PEG3: variants seen among roughly 807,000 people sequenced by gnomAD.
PEG3 encodes paternally-expressed gene 3 protein.
PEG3 carries 23 observed loss-of-function variants against 35.5 expected under a neutral mutation model. That is an observed-to-expected ratio of 0.65 (90% CI 0.47 to 0.92). The LOEUF (loss-of-function observed/expected upper bound fraction) is 0.92, where lower values mean the gene tolerates loss of function less well. Among genes scored for constraint, PEG3 ranks in the 40% least tolerant of loss-of-function variants. The pLI is 0.00. For synonymous variants in PEG3, 707 were observed against 697.0 expected (o/e 1.01, Z -0.23); for missense variants, 1,960 against 1,985.3 (o/e 0.99, Z 0.24).
chr19:56,830,101 T>A (rs940947597), intron 2 of PEG3, among the ~76,000 whole-genome samples: 6 of 152,152 alleles, frequency 3.9e-5, no homozygotes, highest in Admixed American at 3.3e-4. Context: ...GATGTATGAA[T>A]CCAACAGAAC....
chr19:56,833,311 T>A (rs1407264219), intron 2 of PEG3: 4 of 399,440 alleles, frequency 1.0e-5, no homozygotes, highest in Admixed American at 9.1e-5. Flanking sequence ...GGGGCTGGAA[T>A]TGAGAACTTT....
chr19:56,822,821 T>C lies in PEG3; in HGVS notation c.497A>G (p.Asp166Gly). Residue 166 changes from aspartate (D) to glycine (G), a missense_variant, in exon 6 of 10, where the codon GAC (aspartate) becomes GGC (glycine). Asp to Gly is a moderately conservative substitution (Grantham distance 94). Around this residue, in one of 5 missense-constraint regions of PEG3, gnomAD observed 613 missense variants for 577.1 expected, o/e 1.06. Transcript: ENST00000326441. ...CATGTCTCTGCTTCTGCCCCTCCGG[T>C]CCCAGTCCCGGTCACCTAAGCAGGT... ...SVHSFSDRDW[D>G]RRGRSRDMEP... The C allele has an allele frequency of 6.2e-7, 1 of 1,613,920 alleles. No individual in the cohort carries two copies. Among genetic ancestry groups the C allele is most frequent in the South Asian group, 1.1e-5 (1 of 90,982 alleles).
chr19:56,835,171 G>A (rs568807574), intron 2 of PEG3, among the ~76,000 whole-genome samples: 3 of 152,060 alleles, frequency 2.0e-5, no homozygotes, highest in East Asian at 1.9e-4. Context: ...CACCCACTGC[G>A]TCCACCCTCC....
intron 6 of PEG3, among the ~76,000 whole-genome samples, chr19:56,822,096 G>A (rs1206849803): frequency 6.6e-6 from 1 of 152,174 alleles, no homozygotes; most frequent in Non-Finnish European, 1.5e-5. Context: ...TGTGTGACAG[G>A]GAGATGGCAT....
intron 6 of PEG3, 65 bp from the exon 7 acceptor site, chr19:56,821,819 C>G (rs1481148691): frequency 1.9e-6 from 3 of 1,573,210 alleles, no homozygotes; most frequent in Admixed American, 1.7e-5. Context: ...CCAGGTTTGT[C>G]CCACTCAACT....
chr19:56,813,924 G>A lies in PEG3; in HGVS notation c.4518C>T (p.Asp1506=). ...QEIQVEEPYY[D]CHECTETFTS... is the part of the protein sequence containing the mutation. The stretch of plus-strand genomic sequence containing the variant: ...TGAAGGTTTCTGTGCATTCATGGCA[G>A]TCATAGTATGGTTCTTCTACCTGAA... Residue 1506 remains aspartate (D), a synonymous_variant, in exon 10 of 10, where the codon GAC becomes GAT. Transcript: ENST00000326441. 6.2e-7 allele frequency: 1 copy of A among 1,614,164 alleles called. No homozygotes were observed. The highest frequency in any genetic ancestry group is 8.5e-7 in the Non-Finnish European group (1 of 1,180,014).
chr19:56,818,808 AG>A, intron 7 of PEG3, 106 bp from the exon 8 acceptor site: 2 of 1,305,282 alleles, frequency 1.5e-6, no homozygotes, highest in Admixed American at 3.6e-5. Context: ...TTATATAGGA[AG>A]TGCTCACGGT....
intron 2 of PEG3, among the ~76,000 whole-genome samples, chr19:56,830,666 A>G (rs999779511): frequency 6.6e-6 from 1 of 152,250 alleles, no homozygotes. Context: ...GAGTAAATAC[A>G]GCAAGAGAAA....
chr19:56,838,446 A>G (rs375372454), intron 1 of PEG3, among the ~76,000 whole-genome samples: 10 of 152,236 alleles, frequency 6.6e-5, no homozygotes, highest in African/African-American at 2.4e-4. Context: ...GTCCCGAGGA[A>G]CGGTCCCGGG....
Position 56,813,392 on chromosome 19 carries a change from T to C in PEG3, c.*283A>G. 1 of 1,215,998 alleles carries C rather than the reference T, an allele frequency of 8.2e-7. No individual in the cohort carries two copies. Among genetic ancestry groups the C allele is most frequent in the Non-Finnish European group, 1.0e-6 (1 of 973,710 alleles). The allele number at this position is 1,215,998 out of a possible 1,614,324, so 75.3% of individuals were successfully genotyped here. A position where few individuals can be genotyped will look rare whatever the true frequency, so the allele number is the denominator to read the frequency against. On this transcript the variant is annotated 3_prime_UTR_variant, in exon 10 of 10. Transcript: ENST00000326441. ...CAGTTGATTTGGGCAAACTCTGTAG[T>C]CTGGAATACTCATAGGGTTTTCTCA...
intron 2 of PEG3, among the ~76,000 whole-genome samples, chr19:56,829,751 G>A (rs912955232): frequency 1.3e-5 from 2 of 152,214 alleles, no homozygotes; most frequent in Non-Finnish European, 2.9e-5. Flanking sequence ...GCCAGATGCT[G>A]AAATTTGCAC....
Position 56,815,479 on chromosome 19 carries a change from T to A in PEG3, c.2963A>T (p.Gln988Leu), listed in dbSNP as rs1189798228. The A allele has an allele frequency of 6.2e-7, 1 of 1,614,160 alleles. No homozygotes were observed. Among genetic ancestry groups the A allele is most frequent in the Non-Finnish European group, 8.5e-7 (1 of 1,179,998 alleles). ...FAHSSDLTEH[Q>L]KIHDREKPSG... Reference sequence around the variant, plus strand: ...GGGCTTCTCCCTATCATGAATCTTCTGGTGCTCAGTGAGGTCAGAGCTATG... The same window carrying A: ...GGGCTTCTCCCTATCATGAATCTTCAGGTGCTCAGTGAGGTCAGAGCTATG... The change falls in exon 10 of 10, where the codon CAG becomes CTG. Residue 988 changes from glutamine to leucine, a missense_variant. Gln to Leu is a moderately radical substitution (Grantham distance 113). Coordinates refer to ENST00000326441, the MANE Select transcript of PEG3 (RefSeq NM_006210.3).
Position 56,837,261 on chromosome 19 carries a change from A to AC in PEG3, c.-249-1158dup, listed in dbSNP as rs542997077. Among the ~76,000 whole-genome samples, 303 of 150,846 alleles carry AC rather than the reference A, an allele frequency of 2.0e-3. 3 individuals are homozygous for AC. The highest frequency in any genetic ancestry group is 6.4e-3 in the African/African-American group (262 of 41,002). On this transcript the variant is annotated intron_variant, in intron 1 of 9. Coordinates refer to ENST00000326441, the MANE Select transcript of PEG3 (RefSeq NM_006210.3). The stretch of plus-strand genomic sequence containing the variant: ...CCTATGGGGCAGCCCCTTTAAACAC[A>AC]CCCCCACCTGCCCAGGGCAGCCTCC...
intron 2 of PEG3, among the ~76,000 whole-genome samples, chr19:56,834,373 C>T (rs1330809791): frequency 6.6e-6 from 1 of 152,142 alleles, no homozygotes; most frequent in East Asian, 1.9e-4. Context: ...CAAACCAGCG[C>T]TATTAAAGCT....
intron 7 of PEG3, 26 bp from the exon 8 acceptor site, chr19:56,818,728 A>C: frequency 1.2e-6 from 2 of 1,605,494 alleles, no homozygotes; most frequent in Non-Finnish European, 1.7e-6. Context: ...CAGACCTCTC[A>C]ATGGAGTCTG....
Position 56,822,809 on chromosome 19 carries a change from C to A in PEG3, c.509G>T (p.Arg170Ile). 2 of 1,614,138 alleles carry A rather than the reference C, an allele frequency of 1.2e-6. No individual in the cohort carries two copies. Among genetic ancestry groups the A allele is most frequent in the Non-Finnish European group, 8.5e-7 (1 of 1,180,022 alleles). Residue 170 changes from arginine (R) to isoleucine (I), a missense_variant, in exon 6 of 10, where the codon AGA (arginine) becomes ATA (isoleucine). Physicochemically the swap from Arg to Ile is moderately conservative, Grantham distance 97 (BLOSUM62 -3). Coordinates refer to ENST00000326441, the MANE Select transcript of PEG3 (RefSeq NM_006210.3). The part of the protein sequence containing the change: ...FSDRDWDRRG[R>I]SRDMEPRDRW... The stretch of plus-strand genomic sequence containing the variant: ...GTCTCGTGGCTCCATGTCTCTGCTT[C>A]TGCCCCTCCGGTCCCAGTCCCGGTC...
intron 1 of PEG3, among the ~76,000 whole-genome samples, chr19:56,839,772 G>C (rs1201258587): frequency 6.6e-6 from 1 of 152,116 alleles, no homozygotes; most frequent in Admixed American, 6.5e-5. Context: ...AACCAGAACA[G>C]CGCCTGCGCG....
Position 56,836,064 on chromosome 19 carries a change from C to T in PEG3, c.-209G>A. On this transcript the variant is annotated 5_prime_UTR_variant, in exon 2 of 10. Coordinates refer to ENST00000326441, the MANE Select transcript of PEG3 (RefSeq NM_006210.3). ...TTGGACCTAGTCCCTCTTCCTCTCGCCAGTCGTCTCCAAGAAGGACGGAAG... is the reference window on the plus strand; with the variant it reads ...TTGGACCTAGTCCCTCTTCCTCTCGTCAGTCGTCTCCAAGAAGGACGGAAG... 2.0e-6 allele frequency: 1 copy of T among 505,446 alleles called. No individual in the cohort carries two copies. The highest frequency in any genetic ancestry group is 1.5e-5 in the South Asian group (1 of 68,572). 31.3% of individuals were successfully genotyped at this position (505,446 alleles called of 1,614,324 possible). A position where few individuals can be genotyped will look rare whatever the true frequency, so the allele number is the denominator to read the frequency against.
intron 2 of PEG3, chr19:56,833,109 G>T: frequency 2.0e-6 from 1 of 510,660 alleles, no homozygotes; most frequent in Admixed American, 2.0e-5. Context: ...TCATGCACTA[G>T]AAAGCGTCTG....
Sources: allele counts gnomAD v4.1 joint callset (sites outside exome capture counted in the v4.1 genomes callset), GRCh38; gene constraint gnomAD v4.1.1; regional missense constraint gnomAD v4.1.1; transcripts MANE v1.5; gene names NCBI Gene and HGNC (gene_info 2026-07-23, HGNC 2026-07-21).